Variants in C6orf52 observed in about 807,000 individuals in gnomAD.
C6orf52 encodes the protein chromosome 6 open reading frame 52, also known as putative uncharacterized protein C6orf52.
C6orf52 carries 16 observed loss-of-function variants against 16.6 expected under a neutral mutation model. The observed-to-expected ratio is 0.96, with a 90% confidence interval of 0.65 to 1.46. C6orf52 has a LOEUF of 1.46. C6orf52 is among the 40% of genes most tolerant of loss of function. C6orf52 has a pLI of 0.00. For missense variants in C6orf52, 166 were observed against 182.3 expected (o/e 0.91, Z 0.52); for synonymous variants, 53 against 61.4 (o/e 0.86, Z 0.64).
chr6:10,675,529 C>T (rs539055341), intron 4 of C6orf52, among the ~76,000 whole-genome samples: 4 of 152,166 alleles, frequency 2.6e-5, no homozygotes, highest in Non-Finnish European at 5.9e-5. Context: ...ATTTCATTTC[C>T]TTTGGATATA....
At chr6:10,672,883 A>G (rs934804180) in intron 4 of C6orf52, among the ~76,000 whole-genome samples, 35 of 152,326 alleles carry the variant, frequency 2.3e-4, no homozygotes, top group African/African-American at 7.9e-4. Context: ...ATGTTACAGT[A>G]GCCCTAGAAG....
intron 4 of C6orf52, among the ~76,000 whole-genome samples, chr6:10,677,472 T>C (rs1767997030): frequency 6.6e-6 from 1 of 151,594 alleles, no homozygotes; most frequent in African/African-American, 2.4e-5. Context: ...TTTTTTTGGC[T>C]CAGATTGCTT....
chr6:10,673,559 T>C (rs1010401013), intron 4 of C6orf52, among the ~76,000 whole-genome samples: 2 of 151,922 alleles, frequency 1.3e-5, no homozygotes, highest in Admixed American at 1.3e-4. Context: ...GAGTGAAGAG[T>C]TGTTATTTAA....
At chr6:10,680,506 A>G (rs979009667) in intron 4 of C6orf52, among the ~76,000 whole-genome samples, 15 of 152,246 alleles carry the variant, frequency 9.9e-5, no homozygotes, top group Admixed American at 3.3e-4. Flanking sequence ...TCTGGTTGTG[A>G]TATCAGAGTA....
chr6:10,694,141 T>A (rs947266029), intron 1 of C6orf52, among the ~76,000 whole-genome samples: 4 of 150,820 alleles, frequency 2.7e-5, no homozygotes, highest in Non-Finnish European at 5.9e-5. Flanking sequence ...ATGCCTGTAA[T>A]CCCAGCTACT....
At chr6:10,683,003 CTTAG>C (rs1414682248) in intron 4 of C6orf52, among the ~76,000 whole-genome samples, 180 bp downstream of exon 4, 5 of 152,206 alleles carry the variant, frequency 3.3e-5, no homozygotes, top group Admixed American at 6.5e-5. Flanking sequence ...AAAGAGGTGG[CTTAG>C]TTAAAGTTGT....
At chr6:10,686,658 T>G (rs1269147655) in intron 3 of C6orf52, among the ~76,000 whole-genome samples, 1 of 152,212 alleles carries the variant, frequency 6.6e-6, no homozygotes, top group African/African-American at 2.4e-5. Flanking sequence ...CTTCATTAGC[T>G]TTTTGTGTTG....
At chr6:10,692,866 T>C (rs889808727) in intron 1 of C6orf52, among the ~76,000 whole-genome samples, 1 of 152,210 alleles carries the variant, frequency 6.6e-6, no homozygotes, top group Admixed American at 6.5e-5. Context: ...GGATTTCCAC[T>C]AGACTGAGAA....
intron 1 of C6orf52, among the ~76,000 whole-genome samples, chr6:10,688,198 A>G (rs1315541915): frequency 6.7e-6 from 1 of 149,256 alleles, no homozygotes. Context: ...TCTCTGGTTC[A>G]GTTTTTTTTT....
At chr6:10,691,400 G>C (rs777413084) in intron 1 of C6orf52, among the ~76,000 whole-genome samples, 130 of 152,148 alleles carry the variant, frequency 8.5e-4, no homozygotes, top group Non-Finnish European at 1.6e-3. Context: ...TGAGCAAGCG[G>C]GGGTACATGA....
intron 3 of C6orf52, 80 bp downstream of exon 3, chr6:10,686,886 C>T: frequency 9.5e-7 from 1 of 1,057,880 alleles, no homozygotes; most frequent in Non-Finnish European, 1.4e-6. Context: ...TGACAGGACA[C>T]AGATGTGTGA....
chr6:10,677,499 T>C (rs1387899645), intron 4 of C6orf52, among the ~76,000 whole-genome samples: 1 of 152,094 alleles, frequency 6.6e-6, no homozygotes, highest in African/African-American at 2.4e-5. Context: ...TTTAGGTTTT[T>C]TTGTGATTCC....
chr6:10,687,291 T>C lies in C6orf52; in HGVS notation c.72-127A>G, dbSNP rs147657108. The C allele has an allele frequency of 1.2e-3, 959 of 798,282 alleles. 1 individual carries two copies. The highest frequency in any genetic ancestry group is 1.8e-3 in the Non-Finnish European group (880 of 496,828). 49.4% of individuals were successfully genotyped at this position (798,282 alleles called of 1,614,324 possible). On this transcript the variant is annotated intron_variant, in intron 2 of 4. Coordinates refer to ENST00000259983, the MANE Select transcript of C6orf52 (RefSeq NM_001145020.3). Reference sequence around the variant, plus strand: ...CAAAGCCATAGTTTGATACCTAATGTAGATGACGGGTTGATGGGTGCAGCA... The same window carrying C: ...CAAAGCCATAGTTTGATACCTAATGCAGATGACGGGTTGATGGGTGCAGCA...
intron 4 of C6orf52, among the ~76,000 whole-genome samples, chr6:10,672,862 T>G (rs892722746): frequency 6.6e-6 from 1 of 152,184 alleles, no homozygotes; most frequent in Non-Finnish European, 1.5e-5. Flanking sequence ...AACCACCCAG[T>G]CTGTGGTACT....
intron 4 of C6orf52, among the ~76,000 whole-genome samples, chr6:10,672,854 C>A (rs1263765189): frequency 1.3e-5 from 2 of 152,148 alleles, no homozygotes; most frequent in Admixed American, 6.5e-5. Flanking sequence ...TTTGTTTAAA[C>A]CACCCAGTCT....
intron 1 of C6orf52, among the ~76,000 whole-genome samples, chr6:10,690,800 T>G (rs1769223148): frequency 6.6e-6 from 1 of 152,248 alleles, no homozygotes; most frequent in Non-Finnish European, 1.5e-5. Flanking sequence ...TCTTGGCAGC[T>G]GCAGATTTCA....
chr6:10,680,037 G>T (rs1336664494), intron 4 of C6orf52, among the ~76,000 whole-genome samples: 1 of 152,190 alleles, frequency 6.6e-6, no homozygotes, highest in Non-Finnish European at 1.5e-5. Flanking sequence ...CAGATCACCT[G>T]AGCTCAGGAG....
In C6orf52 at chr6:10,694,598, AAGC is replaced by A; in HGVS notation, c.-119_-117del. ...GCACGCTGCCGGCGCTACAGCCCCT[AAGC>A]AACCGGCCGGAAGTCGGCCCCACCT... On this transcript the variant is annotated 5_prime_UTR_variant, in exon 1 of 5. Coordinates refer to ENST00000259983, the MANE Select transcript of C6orf52 (RefSeq NM_001145020.3). 1 of 172,162 alleles carries A rather than the reference AAGC, an allele frequency of 5.8e-6. No homozygotes were observed. The highest frequency in any genetic ancestry group is 1.3e-5 in the Non-Finnish European group (1 of 79,020). The allele number at this position is 172,162 out of a possible 1,614,324, so 10.7% of individuals were successfully genotyped here.
chr6:10,673,709 G>A (rs1036896881), intron 4 of C6orf52, among the ~76,000 whole-genome samples: 1 of 152,050 alleles, frequency 6.6e-6, no homozygotes, highest in Non-Finnish European at 1.5e-5. Context: ...GATCAAGTGT[G>A]ATACATTTAA....
Sources: allele counts gnomAD v4.1 joint callset (sites outside exome capture counted in the v4.1 genomes callset), GRCh38; gene constraint gnomAD v4.1.1; transcripts MANE v1.5; gene names NCBI Gene and HGNC (gene_info 2026-07-23, HGNC 2026-07-21).